Variants in PIK3C2A observed in about 807,000 individuals in gnomAD.
PIK3C2A encodes the protein phosphatidylinositol 4-phosphate 3-kinase C2 domain-containing subunit alpha.
A neutral mutation model predicts 204.5 loss-of-function variants in PIK3C2A; 97 were observed. That is an observed-to-expected ratio of 0.47 (90% confidence interval 0.40 to 0.56). The LOEUF (loss-of-function observed/expected upper bound fraction) is 0.56, where lower values mean the gene tolerates loss of function less well. Ranked by LOEUF, PIK3C2A falls within the 20% of genes least tolerant of loss-of-function variation. PIK3C2A has a pLI of 0.00. For synonymous variants in PIK3C2A, 653 were observed against 664.4 expected (o/e 0.98, Z 0.26); for missense variants, 1,735 against 1,969.2 (o/e 0.88, Z 2.25).
chr11:17,148,020 C>A (rs182290193), intron 5 of PIK3C2A, among the ~76,000 whole-genome samples: 1 of 152,052 alleles, frequency 6.6e-6, no homozygotes, highest in Non-Finnish European at 1.5e-5. Flanking sequence ...GAGTTCGAGA[C>A]CAGCCTGACC....
At chr11:17,154,635 A>T (rs1850524279) in intron 3 of PIK3C2A, among the ~76,000 whole-genome samples, 1 of 152,082 alleles carries the variant, frequency 6.6e-6, no homozygotes, top group Admixed American at 6.5e-5. Context: ...GGTGTTTCCT[A>T]TCTGGCTAGC....
chr11:17,097,505 A>G (rs1324408356), intron 26 of PIK3C2A, among the ~76,000 whole-genome samples: 1 of 152,262 alleles, frequency 6.6e-6, no homozygotes, highest in Non-Finnish European at 1.5e-5. Context: ...AGGGTCCCCA[A>G]GACTAATTAA....
intron 22 of PIK3C2A, among the ~76,000 whole-genome samples, chr11:17,106,916 G>A (rs1848838679): frequency 6.6e-6 from 1 of 152,198 alleles, no homozygotes; most frequent in Non-Finnish European, 1.5e-5. Flanking sequence ...GATGAAGACT[G>A]ACCTTGTGAT....
At chr11:17,146,582 G>A (rs1375074724) in intron 6 of PIK3C2A, among the ~76,000 whole-genome samples, 3 of 151,916 alleles carry the variant, frequency 2.0e-5, no homozygotes, top group Admixed American at 2.0e-4. Context: ...TTAGCTGGGT[G>A]GGTTGGTGCA....
chr11:17,202,549 G>A (rs1852425225), intron 1 of PIK3C2A, among the ~76,000 whole-genome samples: 1 of 151,932 alleles, frequency 6.6e-6, no homozygotes, highest in South Asian at 2.1e-4. Flanking sequence ...ACTCCAGCCT[G>A]AGCGACACAG....
At chr11:17,142,367 G>A (rs1378860216) in intron 8 of PIK3C2A, among the ~76,000 whole-genome samples, 2 of 152,128 alleles carry the variant, frequency 1.3e-5, no homozygotes, top group African/African-American at 2.4e-5. Context: ...CTAATGTTTG[G>A]TAGTCAGGAA....
At chr11:17,091,286 T>TA in intron 32 of PIK3C2A, 48 bp downstream of exon 32, 1 of 1,548,150 alleles carries the variant, frequency 6.5e-7, no homozygotes, top group South Asian at 1.2e-5. Context: ...AAATGAAAAT[T>TA]AAAAAAATAA....
At chr11:17,097,915 A>G (rs1848499894) in intron 26 of PIK3C2A, among the ~76,000 whole-genome samples, 1 of 152,200 alleles carries the variant, frequency 6.6e-6, no homozygotes, top group African/African-American at 2.4e-5. Context: ...ACTGTCTCCA[A>G]AAAACCACAA....
intron 30 of PIK3C2A, 88 bp from the exon 31 acceptor site, chr11:17,091,744 C>T (rs750424524): frequency 2.3e-6 from 2 of 877,498 alleles, no homozygotes; most frequent in Non-Finnish European, 1.8e-6. Flanking sequence ...TCAAGACTGT[C>T]ACATGTGGTG....
chr11:17,182,686 G>C (rs1464247294), intron 1 of PIK3C2A, among the ~76,000 whole-genome samples: 1 of 151,838 alleles, frequency 6.6e-6, no homozygotes. Flanking sequence ...GCTAAATTAA[G>C]GAGACTGCTG....
intron 12 of PIK3C2A, among the ~76,000 whole-genome samples, chr11:17,130,850 A>T (rs1849670391): frequency 6.6e-6 from 1 of 152,010 alleles, no homozygotes; most frequent in Admixed American, 6.6e-5. Flanking sequence ...TATTTAAAAA[A>T]TATGAATAGT....
intron 1 of PIK3C2A, among the ~76,000 whole-genome samples, chr11:17,207,178 T>C (rs1465901728): frequency 6.6e-6 from 1 of 152,216 alleles, no homozygotes; most frequent in African/African-American, 2.4e-5. Flanking sequence ...TTTTCTTCAA[T>C]TATTTATGAT....
chr11:17,168,137 C>A (rs1289548287), intron 2 of PIK3C2A, among the ~76,000 whole-genome samples: 1 of 152,012 alleles, frequency 6.6e-6, no homozygotes, highest in East Asian at 1.9e-4. Flanking sequence ...TCATTAGAGG[C>A]TTTTTATTTA....
intron 1 of PIK3C2A, among the ~76,000 whole-genome samples, chr11:17,201,759 T>G (rs750042616): frequency 6.6e-6 from 1 of 152,164 alleles, no homozygotes; most frequent in Non-Finnish European, 1.5e-5. Flanking sequence ...GACTATATTA[T>G]CCCTTACATC....
At chr11:17,100,960 C>A (rs1340918643) in intron 25 of PIK3C2A, among the ~76,000 whole-genome samples, 1 of 152,168 alleles carries the variant, frequency 6.6e-6, no homozygotes, top group Non-Finnish European at 1.5e-5. Flanking sequence ...TGACAATTCA[C>A]ACCCATATTA....
chr11:17,091,979 A>G lies in PIK3C2A; in HGVS notation c.4642+17T>C, dbSNP rs1304233860. The G allele has an allele frequency of 1.3e-6, 2 of 1,530,770 alleles. No individual in the cohort carries two copies. Among genetic ancestry groups the G allele is most frequent in the Non-Finnish European group, 1.8e-6 (2 of 1,105,448 alleles). 94.8% of individuals were successfully genotyped at this position (1,530,770 alleles called of 1,614,324 possible). ...CAGATCATGAGTTACCAATAAAGAG[A>G]AAAAAAATAATCTCACCTGCAGACC... On this transcript the variant is annotated intron_variant, in intron 30 of 32. Transcript: ENST00000691414.
intron 20 of PIK3C2A, among the ~76,000 whole-genome samples, chr11:17,113,014 T>G (rs1218471596): frequency 6.6e-6 from 1 of 151,934 alleles, no homozygotes; most frequent in African/African-American, 2.4e-5. Flanking sequence ...TTTCATTTTA[T>G]TTATTTATTT....
intron 1 of PIK3C2A, among the ~76,000 whole-genome samples, chr11:17,188,372 G>T (rs975476367): frequency 1.4e-5 from 2 of 146,480 alleles, no homozygotes; most frequent in South Asian, 4.2e-4. Context: ...TCACAGAACA[G>T]AGAACACACA....
At chr11:17,138,946 C>T (rs1382650912) in intron 8 of PIK3C2A, among the ~76,000 whole-genome samples, 1 of 151,710 alleles carries the variant, frequency 6.6e-6, no homozygotes, top group Admixed American at 6.6e-5. Flanking sequence ...TCGCTTTTGT[C>T]CCCCAGGCTG....
Sources: allele counts gnomAD v4.1 joint callset (sites outside exome capture counted in the v4.1 genomes callset), GRCh38; gene constraint gnomAD v4.1.1; transcripts MANE v1.5; gene names NCBI Gene and HGNC (gene_info 2026-07-23, HGNC 2026-07-21).